ASTN2: variants seen among roughly 807,000 people sequenced by gnomAD.
The protein encoded by ASTN2 is astrotactin 2.
ASTN2 carries 54 observed loss-of-function variants against 139.8 expected under a neutral mutation model. The observed-to-expected ratio is 0.39, with a 90% CI of 0.31 to 0.48. The LOEUF is 0.48. Among genes scored for constraint, ASTN2 ranks in the 20% least tolerant of loss-of-function variants. The pLI is 0.95. For missense variants in ASTN2, 1,565 were observed against 1,725.1 expected (o/e 0.91, Z 1.64); for synonymous variants, 756 against 719.5 (o/e 1.05, Z -0.81).
intron 1 of ASTN2, among the ~76,000 whole-genome samples, chr9:117,294,760 C>T (rs1317224055): frequency 6.6e-6 from 1 of 152,204 alleles, no homozygotes; most frequent in Non-Finnish European, 1.5e-5. Flanking sequence ...CCCTTCTTCA[C>T]ACACTCCATC....
At chr9:116,951,777 A>G (rs1354976482) in intron 10 of ASTN2, among the ~76,000 whole-genome samples, 1 of 152,176 alleles carries the variant, frequency 6.6e-6, no homozygotes, top group Non-Finnish European at 1.5e-5. Flanking sequence ...ACATTCCCCA[A>G]ACACAAGTGG....
intron 13 of ASTN2, among the ~76,000 whole-genome samples, chr9:116,785,112 G>C (rs951841913): frequency 6.6e-6 from 1 of 152,094 alleles, no homozygotes; most frequent in African/African-American, 2.4e-5. Context: ...GAGGGGAAAA[G>C]GTTGACAGCT....
At chr9:117,140,481 C>T (rs1172763856) in intron 4 of ASTN2, among the ~76,000 whole-genome samples, 1 of 151,808 alleles carries the variant, frequency 6.6e-6, no homozygotes, top group South Asian at 2.1e-4. Flanking sequence ...GGAAATTAAG[C>T]AGTGACAAGT....
chr9:116,713,493 G>T (rs1005519646), intron 16 of ASTN2, among the ~76,000 whole-genome samples: 1 of 152,116 alleles, frequency 6.6e-6, no homozygotes, highest in Non-Finnish European at 1.5e-5. Flanking sequence ...AGGGTCTAGA[G>T]CCTGCTGGTC....
intron 13 of ASTN2, among the ~76,000 whole-genome samples, chr9:116,777,150 C>T (rs1487269615): frequency 6.6e-6 from 1 of 152,086 alleles, no homozygotes; most frequent in African/African-American, 2.4e-5. Context: ...ATGCATGGTA[C>T]TGCTCCAAGG....
At chr9:116,870,343 G>C (rs962311378) in intron 10 of ASTN2, among the ~76,000 whole-genome samples, 14 of 152,066 alleles carry the variant, frequency 9.2e-5, no homozygotes, top group Non-Finnish European at 2.1e-4. Flanking sequence ...TCTCAGCTCT[G>C]TAGATGACTA....
intron 1 of ASTN2, among the ~76,000 whole-genome samples, chr9:117,298,670 G>GTATATATA (rs148601803): frequency 0.022 from 2,967 of 136,400 alleles, 77 homozygotes; most frequent in African/African-American, 0.062. Context: ...ATATATATGT[G>GTATATATA]TATATATATA....
chr9:117,223,418 G>A (rs1832594627), intron 2 of ASTN2, among the ~76,000 whole-genome samples: 1 of 152,150 alleles, frequency 6.6e-6, no homozygotes, highest in Admixed American at 6.5e-5. Flanking sequence ...GAGTTTGAGA[G>A]TCCCTAGTCT....
At chr9:117,129,936 C>G (rs907440009) in intron 4 of ASTN2, among the ~76,000 whole-genome samples, 3 of 152,196 alleles carry the variant, frequency 2.0e-5, no homozygotes, top group Non-Finnish European at 4.4e-5. Flanking sequence ...CTTTCCCTTT[C>G]CCTCTGTCAA....
chr9:117,132,745 C>T (rs1564442255), intron 4 of ASTN2, among the ~76,000 whole-genome samples: 1 of 152,086 alleles, frequency 6.6e-6, no homozygotes, highest in Non-Finnish European at 1.5e-5. Context: ...GGCTGCACCT[C>T]TTAGAAGAGA....
chr9:117,303,808 C>T (rs1233990955), intron 1 of ASTN2, among the ~76,000 whole-genome samples: 2 of 152,184 alleles, frequency 1.3e-5, no homozygotes, highest in East Asian at 3.8e-4. Context: ...GTCTGTTTTT[C>T]CTCCCCTTGA....
intron 13 of ASTN2, among the ~76,000 whole-genome samples, chr9:116,734,332 G>T (rs972532755): frequency 6.6e-6 from 1 of 152,146 alleles, no homozygotes; most frequent in Non-Finnish European, 1.5e-5. Flanking sequence ...GAGGATGGTA[G>T]TAACAGTGCA....
At chr9:117,053,383 T>C (rs115339579) in intron 5 of ASTN2, among the ~76,000 whole-genome samples, 2,675 of 152,122 alleles carry the variant, frequency 0.018, 77 homozygotes, top group African/African-American at 0.062. Context: ...GCCCAGGAGT[T>C]TGAGGCTGCA....
At chr9:116,729,164 T>G in intron 14 of ASTN2, 68 bp from the exon 15 acceptor site, 5 of 1,231,130 alleles carry the variant, frequency 4.1e-6, no homozygotes, top group South Asian at 1.4e-5. Context: ...TTGTTCACCC[T>G]GCAGCTCTTG....
intron 6 of ASTN2, among the ~76,000 whole-genome samples, chr9:117,026,401 G>T (rs1838083859): frequency 6.6e-6 from 1 of 152,112 alleles, no homozygotes; most frequent in Non-Finnish European, 1.5e-5. Flanking sequence ...TTTACAAAAA[G>T]GGGATTATTC....
At chr9:117,040,073 GA>G in intron 5 of ASTN2, 108 bp from the exon 6 acceptor site, 1 of 1,247,482 alleles carries the variant, frequency 8.0e-7, no homozygotes, top group Non-Finnish European at 1.1e-6. Context: ...TCTGAAAAAA[GA>G]AAAGAAAAGA....
chr9:116,697,730 C>T, intron 16 of ASTN2: 1 of 1,613,694 alleles, frequency 6.2e-7, no homozygotes, highest in Non-Finnish European at 8.5e-7. Context: ...CAATACCCTT[C>T]AAAGGAAGAG....
intron 1 of ASTN2, among the ~76,000 whole-genome samples, chr9:117,344,645 AT>A (rs1829160998): frequency 6.6e-6 from 1 of 152,150 alleles, no homozygotes; most frequent in African/African-American, 2.4e-5. Context: ...TGTTTCTCTT[AT>A]GCAATTCATC....
chr9:117,139,422 C>T (rs1213156257), intron 4 of ASTN2, among the ~76,000 whole-genome samples: 2 of 152,170 alleles, frequency 1.3e-5, no homozygotes, highest in Non-Finnish European at 2.9e-5. Context: ...GATTAGCACT[C>T]AGACCTGTCT....
Sources: allele counts gnomAD v4.1 joint callset (sites outside exome capture counted in the v4.1 genomes callset), GRCh38; gene constraint gnomAD v4.1.1; transcripts MANE v1.5; gene names NCBI Gene and HGNC (gene_info 2026-07-23, HGNC 2026-07-21).